The following MARK3 variants were observed in gnomAD, a reference collection of about 807,000 sequenced individuals.
MARK3 encodes the protein MAP/microtubule affinity-regulating kinase 3.
A neutral mutation model predicts 90.1 loss-of-function variants in MARK3; 46 were observed. The observed-to-expected ratio is 0.51, with a 90% CI of 0.40 to 0.65. The LOEUF is 0.65. MARK3 is among the 30% of genes least tolerant of loss of function. The pLI is 0.00. For synonymous variants in MARK3, 321 were observed against 332.6 expected (o/e 0.97, Z 0.38); for missense variants, 818 against 947.2 (o/e 0.86, Z 1.79).
Position 103,405,153 on chromosome 14 carries a change from A to G in MARK3, c.129A>G (p.Ile43Met). 6.2e-7 allele frequency: 1 copy of G among 1,612,820 alleles called. No individual in the cohort carries two copies. ...SRSGARCRNS[I>M]ASCADEQPHI... ...CAGGAGCTCGGTGTAGAAACTCTATAGCCTCCTGTGCAGATGAACAACCTC... is the reference window on the plus strand; with the variant it reads ...CAGGAGCTCGGTGTAGAAACTCTATGGCCTCCTGTGCAGATGAACAACCTC... Residue 43 changes from isoleucine (I) to methionine (M), a missense_variant, in exon 2 of 18, where the codon ATA becomes ATG. Ile to Met is a conservative substitution (Grantham distance 10, BLOSUM62 1). This residue lies in a region of MARK3 where 157 missense variants were observed against 158.7 expected (regional missense o/e 0.99). Coordinates refer to ENST00000429436, the MANE Select transcript of MARK3 (RefSeq NM_001128918.3).
intron 3 of MARK3, among the ~76,000 whole-genome samples, chr14:103,436,960 GCGCATGC>G (rs2092730981): frequency 1.3e-5 from 2 of 152,134 alleles, no homozygotes; most frequent in Non-Finnish European, 2.9e-5. Context: ...AGGTGTGGTG[GCGCATGC>G]CTGTAATCCC....
In MARK3 at chr14:103,466,830, C is replaced by T. The variant is rs867196890; in HGVS notation, c.998-249C>T. ...GGCCAGCCTGACCAACATGGAGAAA[C>T]CCCATCTCTACTAAAACTACAAAAT... On this transcript the variant is annotated intron_variant, in intron 10 of 17. Transcript: ENST00000429436. Among the ~76,000 whole-genome samples the T allele has an allele frequency of 2.0e-5, 3 of 152,116 alleles. No homozygotes were observed. In the South Asian group the frequency reaches 6.2e-4, roughly 32 times the overall value.
In MARK3 at chr14:103,475,063, C is replaced by G; in HGVS notation, c.1335C>G (p.Leu445=). 1.9e-6 allele frequency: 3 copies of G among 1,614,168 alleles called. No individual in the cohort carries two copies. Among genetic ancestry groups the G allele is most frequent in the Non-Finnish European group, 2.5e-6 (3 of 1,180,012 alleles). The change falls in exon 13 of 18, where the codon CTC becomes CTG. Residue 445 remains leucine (L), a synonymous_variant. Transcript: ENST00000429436. The part of the protein sequence containing the change: ...RSQTSTADSD[L]KEDGISSRKS... The stretch of plus-strand genomic sequence containing the variant: ...AGACCAGCACTGCAGATAGTGACCT[C>G]AAAGAAGATGGAATTTCCTCCCGGA...
chr14:103,438,753 G>C (rs1051834105), intron 3 of MARK3, among the ~76,000 whole-genome samples: 2 of 152,058 alleles, frequency 1.3e-5, no homozygotes. Context: ...CAGCACTTTG[G>C]GTGACCAAGG....
At chr14:103,496,776 G>A (rs1476019979) in intron 15 of MARK3, among the ~76,000 whole-genome samples, 1 of 152,116 alleles carries the variant, frequency 6.6e-6, no homozygotes, top group Non-Finnish European at 1.5e-5. Context: ...CATGGCTCAT[G>A]CCAGTAATCC....
At chr14:103,461,488 G>C (rs905544841) in intron 6 of MARK3, among the ~76,000 whole-genome samples, 12 of 152,160 alleles carry the variant, frequency 7.9e-5, no homozygotes, top group African/African-American at 2.9e-4. Flanking sequence ...ATCCTTAATA[G>C]TGCACGTAGT....
intron 5 of MARK3, 119 bp downstream of exon 5, chr14:103,452,102 C>T (rs1479628221): frequency 4.8e-6 from 3 of 625,042 alleles, no homozygotes; most frequent in Admixed American, 3.2e-5. Flanking sequence ...AGCCATAATA[C>T]GCTAGGATGA....
At position 103,390,170 on chromosome 14, in the gene MARK3, C is replaced by T. The variant is rs192510121; in HGVS notation, c.51+4090C>T. Among the ~76,000 whole-genome samples, 666 of 151,988 alleles carry T rather than the reference C, an allele frequency of 4.4e-3. 7 individuals are homozygous for T. The highest frequency in any genetic ancestry group is 0.026 in the East Asian group (134 of 5,158). ...GGCTGAGGCAGGAGAATGGCGTGAT[C>T]CCGGGAGGCGGAGCTTGCAGTGAGC... On this transcript the variant is annotated intron_variant, in intron 1 of 17. Transcript: ENST00000429436.
chr14:103,425,920 AAAT>A (rs1566821059), intron 2 of MARK3, among the ~76,000 whole-genome samples: 4 of 152,188 alleles, frequency 2.6e-5, no homozygotes, highest in Non-Finnish European at 4.4e-5. Flanking sequence ...CATAGGGAAT[AAAT>A]AATGTGGTCA....
chr14:103,503,197 T>C lies in MARK3; in HGVS notation c.2232T>C (p.Ala744=), dbSNP rs1421526817. The C allele has an allele frequency of 6.2e-7, 1 of 1,610,990 alleles. No individual in the cohort carries two copies. The highest frequency in any genetic ancestry group is 8.5e-7 in the Non-Finnish European group (1 of 1,177,444). Residue 744 remains alanine, a synonymous_variant, in exon 18 of 18, where the codon GCT becomes GCC. Transcript: ENST00000429436. ...CATCCATAGCCTTCAAAAATATTGC[T>C]TCCAAAATTGCCAATGAGCTAAAGC... is the stretch of plus-strand genomic sequence containing the variant. ...SGTSIAFKNI[A]SKIANELKL is the part of the protein sequence containing the mutation.
chr14:103,393,398 T>A (rs1460776327), intron 1 of MARK3, among the ~76,000 whole-genome samples: 1 of 152,006 alleles, frequency 6.6e-6, no homozygotes, highest in Non-Finnish European at 1.5e-5. Flanking sequence ...GGCCAGAGGA[T>A]CACTTGAGGC....
At chr14:103,475,745 G>C (rs1256060187) in intron 13 of MARK3, among the ~76,000 whole-genome samples, 1 of 152,102 alleles carries the variant, frequency 6.6e-6, no homozygotes, top group Non-Finnish European at 1.5e-5. Context: ...AGGAGTTCAA[G>C]ACCAGCCTGG....
chr14:103,451,877 C>T lies in MARK3; in HGVS notation c.347-41C>T, dbSNP rs1413447251. ...TATGTGCATGGTTTGTGCATACAGA[C>T]ATTTGTCTCTTTTTCTTCCGTGTCC... On this transcript the variant is annotated intron_variant, in intron 4 of 17. Transcript: ENST00000429436. The T allele has an allele frequency of 2.8e-6, 4 of 1,442,784 alleles. No individual in the cohort carries two copies. In the South Asian group the frequency reaches 4.8e-5, roughly 17 times the overall value. 89.4% of individuals were successfully genotyped at this position (1,442,784 alleles called of 1,614,324 possible).
chr14:103,494,236 CAAAAAAAAA>C (rs71126032), intron 15 of MARK3, among the ~76,000 whole-genome samples: 3 of 79,876 alleles, frequency 3.8e-5, no homozygotes, highest in African/African-American at 1.1e-4. Context: ...GACTCCATCT[CAAAAAAAAA>C]AAAAAAAAAA....
At chr14:103,389,798 G>T (rs555597125) in intron 1 of MARK3, among the ~76,000 whole-genome samples, 1 of 151,542 alleles carries the variant, frequency 6.6e-6, no homozygotes, top group East Asian at 2.0e-4. Context: ...ACAAAAATTA[G>T]CCGGGTGCGG....
intron 13 of MARK3, among the ~76,000 whole-genome samples, chr14:103,477,922 C>G (rs1308856637): frequency 6.6e-6 from 1 of 151,246 alleles, no homozygotes; most frequent in Non-Finnish European, 1.5e-5. Context: ...TCATTTCAGC[C>G]CAAGAGGTTG....
intron 5 of MARK3, among the ~76,000 whole-genome samples, chr14:103,452,300 A>G (rs1051858654): frequency 3.3e-5 from 5 of 151,958 alleles, no homozygotes; most frequent in African/African-American, 1.2e-4. Context: ...CGTTGCCCTC[A>G]CCACCACCCA....
At chr14:103,493,294 G>A (rs552799057) in intron 15 of MARK3, among the ~76,000 whole-genome samples, 7 of 120,668 alleles carry the variant, frequency 5.8e-5, no homozygotes, top group South Asian at 5.0e-4. Context: ...TCTCACTGTC[G>A]CCAAGGCTGG....
chr14:103,434,144 A>G (rs35224956), intron 3 of MARK3, among the ~76,000 whole-genome samples: 43,054 of 152,096 alleles, frequency 0.28, 7,257 homozygotes, highest in Non-Finnish European at 0.36. Flanking sequence ...CAGAGAGACT[A>G]CCATTATGAC....
Sources: allele counts gnomAD v4.1 joint callset (sites outside exome capture counted in the v4.1 genomes callset), GRCh38; gene constraint gnomAD v4.1.1; regional missense constraint gnomAD v4.1.1; transcripts MANE v1.5; gene names NCBI Gene and HGNC (gene_info 2026-07-23, HGNC 2026-07-21).